Variants in IGFBP7 observed in about 807,000 individuals in gnomAD.
IGFBP7 encodes the protein insulin like growth factor binding protein 7, also known as insulin-like growth factor-binding protein 7.
In IGFBP7, 31 loss-of-function variants were observed where a neutral mutation model predicts 29.4. The ratio of observed to expected loss-of-function variants is 1.05; its 90% confidence interval spans 0.79 to 1.42. The LOEUF (loss-of-function observed/expected upper bound fraction) is 1.42. Among genes scored for constraint, IGFBP7 ranks in the 40% most tolerant of loss-of-function variants. The pLI, the probability that IGFBP7 is intolerant of heterozygous loss-of-function variation, is 0.00. For missense variants in IGFBP7, 393 were observed against 395.5 expected (o/e 0.99, Z 0.05); for synonymous variants, 172 against 174.9 (o/e 0.98, Z 0.13).
chr4:57,064,728 T>G (rs780770596), intron 1 of IGFBP7, among the ~76,000 whole-genome samples: 3 of 152,226 alleles, frequency 2.0e-5, no homozygotes, highest in Admixed American at 6.5e-5. Flanking sequence ...CTGAGATCCA[T>G]CTTGACCAAA....
At chr4:57,106,706 C>T (rs932927714) in intron 1 of IGFBP7, among the ~76,000 whole-genome samples, 3 of 152,098 alleles carry the variant, frequency 2.0e-5, no homozygotes, top group Non-Finnish European at 4.4e-5. Context: ...GAGACCAAAG[C>T]GGCTGAAATG....
intron 1 of IGFBP7, among the ~76,000 whole-genome samples, chr4:57,091,850 G>A (rs1725648575): frequency 6.6e-6 from 1 of 152,148 alleles, no homozygotes; most frequent in Admixed American, 6.5e-5. Context: ...GGGCACGTGT[G>A]GTAAAAATGT....
At chr4:57,032,899 C>T (rs11573126) in intron 3 of IGFBP7, among the ~76,000 whole-genome samples, 1 of 152,290 alleles carries the variant, frequency 6.6e-6, no homozygotes, top group South Asian at 2.1e-4. Flanking sequence ...ATTTATTAAT[C>T]GATAATCAGT....
At chr4:57,072,695 C>A (rs1422481838) in intron 1 of IGFBP7, 2 of 407,664 alleles carry the variant, frequency 4.9e-6, no homozygotes, top group African/African-American at 4.1e-5. Flanking sequence ...GGGCAAAAGG[C>A]TACAGCAGGA....
intron 1 of IGFBP7, among the ~76,000 whole-genome samples, chr4:57,069,060 T>C (rs1471880867): frequency 6.6e-6 from 1 of 152,178 alleles, no homozygotes; most frequent in Non-Finnish European, 1.5e-5. Flanking sequence ...GGGTCTTATG[T>C]GGGTGGTTGA....
intron 4 of IGFBP7, chr4:57,031,991 A>C (rs1723943368): frequency 6.0e-6 from 1 of 167,792 alleles, no homozygotes; most frequent in African/African-American, 2.4e-5. Flanking sequence ...AAGGGGAGGC[A>C]GAACAGAACT....
rs758099881 is a variant in IGFBP7 at position 57,110,025 on chromosome 4, G to A, written c.327C>T (p.Gly109=). ...GGTAGCGGCTCTTGCACACGCACACGCCGCTTACACCCGGACCGCCGGCTG... is the reference window on the plus strand; with the variant it reads ...GGTAGCGGCTCTTGCACACGCACACACCGCTTACACCCGGACCGCCGGCTG... ...GAAAGGPGVS[G]VCVCKSRYPV... is the part of the protein sequence containing the mutation. The change falls in exon 1 of 5, where the codon GGC becomes GGT. Residue 109 remains glycine, a synonymous_variant. Coordinates refer to ENST00000295666, the MANE Select transcript of IGFBP7 (RefSeq NM_001553.3). 2 of 1,555,216 alleles carry A rather than the reference G, an allele frequency of 1.3e-6. No homozygotes were observed. The highest frequency in any genetic ancestry group is 2.4e-5 in the East Asian group (1 of 42,164).
rs180821275 is a variant in IGFBP7, at chr4:57,039,261, T to C, written c.585+1563A>G. The stretch of plus-strand genomic sequence containing the variant: ...ATTTCCAGGAACAGTAGCTAATGTC[T>C]ACTGAGTGCTAACTATGTATCAAGT... On this transcript the variant is annotated intron_variant, in intron 2 of 4. Transcript: ENST00000295666. Among the ~76,000 whole-genome samples, 13 of 152,318 alleles carry C rather than the reference T, an allele frequency of 8.5e-5. No homozygotes were observed. The East Asian group carries it at 2.1e-3, about 25-fold the overall frequency.
chr4:57,039,065 CAAAAAAAAAAAA>C (rs71208974), intron 2 of IGFBP7, among the ~76,000 whole-genome samples: 2 of 106,462 alleles, frequency 1.9e-5, no homozygotes, highest in Admixed American at 1.1e-4. Flanking sequence ...AACTATGTCT[CAAAAAAAAAAAA>C]AAAAAAAAAA....
chr4:57,063,423 G>A (rs946127880), intron 1 of IGFBP7, among the ~76,000 whole-genome samples: 12 of 152,216 alleles, frequency 7.9e-5, no homozygotes, highest in South Asian at 4.1e-4. Context: ...AACGCCTGGC[G>A]TTGAGCAGGT....
intron 1 of IGFBP7, among the ~76,000 whole-genome samples, chr4:57,095,554 A>G (rs1424962540): frequency 6.6e-6 from 1 of 152,220 alleles, no homozygotes; most frequent in Non-Finnish European, 1.5e-5. Flanking sequence ...CCGCCTTGTG[A>G]GGTCGGTAGT....
intron 1 of IGFBP7, among the ~76,000 whole-genome samples, chr4:57,094,554 T>G (rs1725717619): frequency 6.6e-6 from 1 of 152,112 alleles, no homozygotes; most frequent in Non-Finnish European, 1.5e-5. Context: ...TGTAGGAGGG[T>G]GCAGGGCAAA....
At chr4:57,103,700 C>T (rs577821132) in intron 1 of IGFBP7, among the ~76,000 whole-genome samples, 48 of 100,588 alleles carry the variant, frequency 4.8e-4, no homozygotes, top group African/African-American at 1.9e-3. Context: ...GCCCTGTTAC[C>T]CAGGCTGGAG....
chr4:57,053,570 G>A (rs762673035), intron 1 of IGFBP7, among the ~76,000 whole-genome samples: 4 of 152,158 alleles, frequency 2.6e-5, no homozygotes, highest in Non-Finnish European at 4.4e-5. Context: ...GAGGTAACAT[G>A]GGGCTGTGCC....
At chr4:57,101,403 C>T (rs1204786669) in intron 1 of IGFBP7, among the ~76,000 whole-genome samples, 1 of 152,156 alleles carries the variant, frequency 6.6e-6, no homozygotes, top group Admixed American at 6.5e-5. Context: ...CAACTCTGGC[C>T]TGCTTTTGGG....
chr4:57,048,345 G>A (rs945826422), intron 1 of IGFBP7, among the ~76,000 whole-genome samples: 6 of 152,086 alleles, frequency 3.9e-5, no homozygotes, highest in South Asian at 2.1e-4. Context: ...AACAGCACCC[G>A]GCCTCCTTTG....
At chr4:57,038,606 T>G (rs918559803) in intron 2 of IGFBP7, among the ~76,000 whole-genome samples, 1 of 152,198 alleles carries the variant, frequency 6.6e-6, no homozygotes, top group Admixed American at 6.5e-5. Context: ...AGGGAGACTA[T>G]CATCCACCTT....
chr4:57,041,803 T>C (rs1724232567), intron 1 of IGFBP7, among the ~76,000 whole-genome samples: 1 of 152,084 alleles, frequency 6.6e-6, no homozygotes, highest in Non-Finnish European at 1.5e-5. Flanking sequence ...CCTCCCCAAC[T>C]GCTGGGATTA....
At chr4:57,109,653 G>T (rs7695765) in intron 1 of IGFBP7, 1 of 589,356 alleles carries the variant, frequency 1.7e-6, no homozygotes, top group Non-Finnish European at 2.9e-6. Context: ...GACGCACGCA[G>T]CAAACTCTCA....
Sources: gnomAD v4.1 joint callset for allele counts (sites outside exome capture counted in the v4.1 genomes callset) on GRCh38, gnomAD v4.1.1 for gene constraint, MANE v1.5 for transcripts, NCBI Gene and HGNC (gene_info 2026-07-23, HGNC 2026-07-21) for gene names.